Variants in SYT17 observed in about 807,000 individuals in gnomAD.
SYT17 encodes synaptotagmin-17.
SYT17 carries 22 observed loss-of-function variants against 46.7 expected under a neutral mutation model. The ratio of observed to expected loss-of-function variants is 0.47; its 90% confidence interval spans 0.34 to 0.67. The LOEUF (loss-of-function observed/expected upper bound fraction) is 0.67. Among genes scored for constraint, SYT17 ranks in the 30% least tolerant of loss-of-function variants. SYT17 has a pLI of 0.01. For missense variants in SYT17, 519 were observed against 612.8 expected (o/e 0.85, Z 1.62); for synonymous variants, 251 against 248.4 (o/e 1.01, Z -0.10).
intron 7 of SYT17, among the ~76,000 whole-genome samples, chr16:19,245,862 A>T (rs1043046690): frequency 2.0e-5 from 3 of 152,180 alleles, no homozygotes; most frequent in Admixed American, 1.3e-4. Flanking sequence ...TACATGGGAA[A>T]GGGCAGTACT....
chr16:19,173,267 T>G, intron 2 of SYT17, 163 bp from the exon 3 acceptor site: 1 of 557,270 alleles, frequency 1.8e-6, no homozygotes, highest in African/African-American at 1.9e-5. Context: ...GGAAAACATT[T>G]TGTTCTAAGT....
intron 6 of SYT17, 71 bp from the exon 7 acceptor site, chr16:19,224,612 A>G: frequency 6.5e-7 from 1 of 1,536,424 alleles, no homozygotes; most frequent in South Asian, 1.2e-5. Flanking sequence ...TGGGAGGTTG[A>G]ATGGCAGAAT....
intron 5 of SYT17, among the ~76,000 whole-genome samples, chr16:19,214,331 T>A (rs1966011193): frequency 6.6e-6 from 1 of 151,970 alleles, no homozygotes; most frequent in Non-Finnish European, 1.5e-5. Flanking sequence ...CTGGTCAGCT[T>A]TTTTTGTTTT....
At chr16:19,169,121 C>T (rs1230039180) in intron 1 of SYT17, among the ~76,000 whole-genome samples, 1 of 151,950 alleles carries the variant, frequency 6.6e-6, no homozygotes, top group African/African-American at 2.4e-5. Context: ...ACAAGGACGT[C>T]GTCTCTCCTG....
intron 7 of SYT17, among the ~76,000 whole-genome samples, chr16:19,265,607 C>T (rs1969301427): frequency 6.6e-6 from 1 of 152,172 alleles, no homozygotes; most frequent in African/African-American, 2.4e-5. Context: ...ATTCAGCATC[C>T]CTCCTGGGAT....
In SYT17 at chr16:19,249,845, T is replaced by A. The variant is rs1005856699; in HGVS notation, c.1229-17035T>A. On this transcript the variant is annotated intron_variant, in intron 7 of 7. Coordinates refer to ENST00000355377, the MANE Select transcript of SYT17 (RefSeq NM_016524.4). ...TGTTATTGGAGTCATTGGGATAACC[T>A]GGAGTCACTGGGGGCTCCATACTTT... 6.1e-6 allele frequency: 8 copies of A among 1,313,328 alleles called. No homozygotes were observed. In the African/African-American group the frequency reaches 1.2e-4, roughly 19 times the overall value. 81.4% of individuals were successfully genotyped at this position (1,313,328 alleles called of 1,614,324 possible).
At chr16:19,257,920 G>T (rs1266496429) in intron 7 of SYT17, among the ~76,000 whole-genome samples, 2 of 151,466 alleles carry the variant, frequency 1.3e-5, no homozygotes, top group Admixed American at 6.6e-5. Flanking sequence ...TGCAAAATGA[G>T]AAGCTGTTGA....
At position 19,268,053 on chromosome 16, in the gene SYT17, A is replaced by G. The variant is rs192887022; in HGVS notation, c.*977A>G. On this transcript the variant is annotated 3_prime_UTR_variant, in exon 8 of 8. Transcript: ENST00000355377. The stretch of plus-strand genomic sequence containing the variant: ...GATTGTGACCCACGAAAGACATACA[A>G]AGACTTGATATATGGATTAAAATGG... 6.6e-6 allele frequency: 1 copy of G among 152,220 alleles called. No homozygotes were observed. The highest frequency in any genetic ancestry group is 1.9e-4 in the East Asian group (1 of 5,170). The allele number at this position is 152,220 out of a possible 1,614,324, so 9.4% of individuals were successfully genotyped here. A position where few individuals can be genotyped will look rare whatever the true frequency, so the allele number is the denominator to read the frequency against.
chr16:19,214,599 T>G (rs368891914), intron 5 of SYT17, among the ~76,000 whole-genome samples: 1 of 152,192 alleles, frequency 6.6e-6, no homozygotes, highest in East Asian at 1.9e-4. Flanking sequence ...GTCCCTAGAT[T>G]GTTAGAGCCG....
chr16:19,264,318 G>A (rs931925379), intron 7 of SYT17, among the ~76,000 whole-genome samples: 33 of 152,182 alleles, frequency 2.2e-4, no homozygotes, highest in African/African-American at 8.0e-4. Context: ...GTTTGACTGT[G>A]TTCCAATAAA....
intron 5 of SYT17, among the ~76,000 whole-genome samples, chr16:19,201,511 T>TG (rs1596940781): frequency 2.0e-5 from 3 of 151,718 alleles, no homozygotes; most frequent in Admixed American, 1.3e-4. Context: ...CTGGAAAAAG[T>TG]GGGGAAGGGA....
intron 7 of SYT17, among the ~76,000 whole-genome samples, chr16:19,226,446 T>C (rs750783548): frequency 6.6e-6 from 1 of 152,178 alleles, no homozygotes; most frequent in Non-Finnish European, 1.5e-5. Flanking sequence ...AACTTATTGC[T>C]CCTTCTCACC....
chr16:19,223,119 C>T lies in SYT17; in HGVS notation c.1026C>T (p.Val342=), dbSNP rs1240208357. The change falls in exon 6 of 8, where the codon GTC becomes GTT. Residue 342 remains valine (V), a synonymous_variant. Coordinates refer to ENST00000355377, the MANE Select transcript of SYT17 (RefSeq NM_016524.4). ...GTGCTGGCAGACTGAATGTTGATGTCATTCGAGCCAAGCAACTTCTTCAGA... is the reference window on the plus strand; with the variant it reads ...GTGCTGGCAGACTGAATGTTGATGTTATTCGAGCCAAGCAACTTCTTCAGA... ...LPSAGRLNVD[V]IRAKQLLQTD... 5 of 1,613,986 alleles carry T rather than the reference C, an allele frequency of 3.1e-6. No individual in the cohort carries two copies. In the East Asian group the frequency reaches 8.9e-5, roughly 29 times the overall value.
intron 7 of SYT17, among the ~76,000 whole-genome samples, chr16:19,263,665 A>G (rs1405615278): frequency 1.4e-5 from 2 of 139,726 alleles, no homozygotes; most frequent in African/African-American, 6.4e-5. Flanking sequence ...AAAAGAAAAG[A>G]AAAAAAAAAC....
chr16:19,240,386 G>A (rs2142955061), intron 7 of SYT17, among the ~76,000 whole-genome samples: 1 of 152,276 alleles, frequency 6.6e-6, no homozygotes, highest in Non-Finnish European at 1.5e-5. Context: ...CCCAACGAGT[G>A]TTCAGCTCTC....
chr16:19,192,580 A>G (rs189279890), intron 5 of SYT17, among the ~76,000 whole-genome samples: 1 of 152,278 alleles, frequency 6.6e-6, no homozygotes, highest in Non-Finnish European at 1.5e-5. Flanking sequence ...GAGAGAGAGA[A>G]CATTCATAAG....
At chr16:19,228,566 A>G (rs1212240006) in intron 7 of SYT17, among the ~76,000 whole-genome samples, 1 of 152,200 alleles carries the variant, frequency 6.6e-6, no homozygotes, top group Non-Finnish European at 1.5e-5. Flanking sequence ...TGAGGCACTG[A>G]GCATCTATAA....
At chr16:19,240,122 G>A (rs1966986932) in intron 7 of SYT17, among the ~76,000 whole-genome samples, 1 of 152,220 alleles carries the variant, frequency 6.6e-6, no homozygotes, top group Non-Finnish European at 1.5e-5. Flanking sequence ...AAGGGCTGCA[G>A]CTCTCCTCTC....
chr16:19,176,148 T>A (rs868073637), intron 3 of SYT17, among the ~76,000 whole-genome samples: 15 of 152,208 alleles, frequency 9.9e-5, no homozygotes, highest in South Asian at 4.1e-4. Flanking sequence ...TTTCTCTCTC[T>A]CTCTTTCTTT....
Sources: gnomAD v4.1 joint callset for allele counts (sites outside exome capture counted in the v4.1 genomes callset) on GRCh38, gnomAD v4.1.1 for gene constraint, MANE v1.5 for transcripts, NCBI Gene and HGNC (gene_info 2026-07-23, HGNC 2026-07-21) for gene names.